PHF20: variants seen among roughly 807,000 people sequenced by gnomAD.
PHF20 encodes glioma-expressed antigen 2.
PHF20 carries 23 observed loss-of-function variants against 113.5 expected under a neutral mutation model. The observed-to-expected ratio is 0.20, with a 90% CI of 0.15 to 0.29. PHF20 has a LOEUF of 0.29. PHF20 is among the 10% of genes least tolerant of loss of function. The pLI is 1.00. For missense variants in PHF20, 943 were observed against 1,219.6 expected, an observed-to-expected ratio of 0.77 and a Z score of 3.38; for synonymous variants, 434 against 457.3, an observed-to-expected ratio of 0.95 and a Z score of 0.65.
At chr20:35,846,182 A>AT (rs568517729) in intron 3 of PHF20, among the ~76,000 whole-genome samples, 2,216 of 143,052 alleles carry the variant, frequency 0.015, 26 homozygotes, top group South Asian at 0.028. Context: ...CATTCTACAA[A>AT]TTTTTTTTTT....
chr20:35,850,296 GTTTTTTTTTTTT>G lies in PHF20; in HGVS notation c.340+2880_340+2891del, dbSNP rs554100863. ...CTGGGGCTGCTTAGCTTCCCCCTCC[GTTTTTTTTTTTT>G]TTTTTTTTTTTTTTTTTGGTGACAG... On this transcript the variant is annotated intron_variant, in intron 4 of 17. Coordinates refer to ENST00000374012, the MANE Select transcript of PHF20 (RefSeq NM_016436.5). 2.4e-3 allele frequency among the ~76,000 whole-genome samples: 149 copies of G among 62,354 alleles called. 3 individuals carry two copies. Among genetic ancestry groups the G allele is most frequent in the Admixed American group, 3.6e-3 (18 of 5,020 alleles). 40.9% of individuals were successfully genotyped at this position (62,354 alleles called of 152,430 possible).
chr20:35,913,928 C>T (rs2055353544), intron 11 of PHF20, 105 bp from the exon 12 acceptor site: 7 of 1,137,822 alleles, frequency 6.2e-6, no homozygotes, highest in Non-Finnish European at 7.7e-6. Context: ...GTCCCTGAGC[C>T]TTTGTGCTGC....
intron 2 of PHF20, among the ~76,000 whole-genome samples, chr20:35,805,256 T>C (rs2041859879): frequency 6.6e-6 from 1 of 151,810 alleles, no homozygotes; most frequent in African/African-American, 2.4e-5. Flanking sequence ...TGGAGTGCAG[T>C]GGTGGGAACA....
At chr20:35,898,523 C>A (rs2147055482) in intron 9 of PHF20, among the ~76,000 whole-genome samples, 1 of 152,286 alleles carries the variant, frequency 6.6e-6, no homozygotes, top group Non-Finnish European at 1.5e-5. Flanking sequence ...GCAACTTCTG[C>A]CTTCGGGTTC....
At chr20:35,877,457 ATTTTTT>A (rs1249281253) in intron 9 of PHF20, among the ~76,000 whole-genome samples, 1 of 147,024 alleles carries the variant, frequency 6.8e-6, no homozygotes, top group African/African-American at 2.5e-5. Context: ...TTTTATTTTT[ATTTTTT>A]ATTTTTGAGA....
chr20:35,863,941 A>G (rs2054266128), intron 6 of PHF20, among the ~76,000 whole-genome samples: 2 of 152,220 alleles, frequency 1.3e-5, no homozygotes, highest in Non-Finnish European at 2.9e-5. Flanking sequence ...CTAATTGGTA[A>G]GAGTCAAGGT....
intron 2 of PHF20, among the ~76,000 whole-genome samples, chr20:35,816,570 C>G (rs2042078346): frequency 6.6e-6 from 1 of 151,788 alleles, no homozygotes; most frequent in East Asian, 1.9e-4. Flanking sequence ...CAGCCTCAGC[C>G]TCCCATGTAG....
chr20:35,937,756 G>GT (rs2055893311), intron 15 of PHF20, among the ~76,000 whole-genome samples: 1 of 152,180 alleles, frequency 6.6e-6, no homozygotes, highest in African/African-American at 2.4e-5. Context: ...ATATTTTGGG[G>GT]TAAAATACTT....
At chr20:35,859,812 T>A (rs993247274) in intron 5 of PHF20, among the ~76,000 whole-genome samples, 1 of 152,228 alleles carries the variant, frequency 6.6e-6, no homozygotes, top group African/African-American at 2.4e-5. Context: ...CCCAAAATGC[T>A]AGGATTACAG....
At chr20:35,929,160 A>T (rs1163824153) in intron 14 of PHF20, among the ~76,000 whole-genome samples, 1 of 152,212 alleles carries the variant, frequency 6.6e-6, no homozygotes, top group Non-Finnish European at 1.5e-5. Context: ...AGTTTTGCTT[A>T]TGAGGAAGAA....
intron 10 of PHF20, among the ~76,000 whole-genome samples, chr20:35,900,816 G>A (rs913652243): frequency 6.6e-6 from 1 of 152,120 alleles, no homozygotes; most frequent in African/African-American, 2.4e-5. Flanking sequence ...CAGCCTGGGC[G>A]ACTGAGTGAG....
At chr20:35,862,059 CAATAGAGGACCCTCG>C (rs2054227784) in intron 5 of PHF20, among the ~76,000 whole-genome samples, 2 of 152,120 alleles carry the variant, frequency 1.3e-5, no homozygotes, top group South Asian at 4.1e-4. Context: ...GAAACAGTCA[CAATAGAGGACCCTCG>C]ATTTTTAGTG....
intron 16 of PHF20, among the ~76,000 whole-genome samples, chr20:35,939,413 A>C (rs1479084705): frequency 6.6e-6 from 1 of 152,144 alleles, no homozygotes; most frequent in Non-Finnish European, 1.5e-5. Flanking sequence ...AGCAAAACTC[A>C]TCTTTTCTTT....
intron 2 of PHF20, among the ~76,000 whole-genome samples, chr20:35,831,655 C>T (rs568173461): frequency 1.3e-5 from 2 of 152,198 alleles, no homozygotes; most frequent in South Asian, 4.1e-4. Flanking sequence ...TCTTCCTATG[C>T]TGCCCAGGCT....
chr20:35,906,599 G>C (rs1181492015), intron 10 of PHF20, among the ~76,000 whole-genome samples: 1 of 152,146 alleles, frequency 6.6e-6, no homozygotes, highest in East Asian at 1.9e-4. Flanking sequence ...CCCAGGTGCT[G>C]CTCTTCTTTG....
At chr20:35,924,978 C>T (rs1221652953) in intron 13 of PHF20, among the ~76,000 whole-genome samples, 1 of 152,114 alleles carries the variant, frequency 6.6e-6, no homozygotes, top group Non-Finnish European at 1.5e-5. Context: ...AACTATGGCT[C>T]CCCATTGTAC....
chr20:35,870,350 G>A (rs901544882), intron 7 of PHF20, among the ~76,000 whole-genome samples: 2 of 149,646 alleles, frequency 1.3e-5, no homozygotes, highest in East Asian at 3.9e-4. Context: ...GTGTGGTGGC[G>A]GGTGCCTGTA....
At chr20:35,803,275 G>A (rs1022099991) in intron 2 of PHF20, among the ~76,000 whole-genome samples, 2 of 149,542 alleles carry the variant, frequency 1.3e-5, no homozygotes, top group South Asian at 2.1e-4. Context: ...AAAGAAAAAA[G>A]AAAAAATAAT....
intron 2 of PHF20, among the ~76,000 whole-genome samples, chr20:35,809,510 C>G (rs1341585530): frequency 6.8e-6 from 1 of 147,468 alleles, no homozygotes; most frequent in African/African-American, 2.5e-5. Flanking sequence ...ACCTGGGAGG[C>G]AGAGGTTGCA....
Sources: gnomAD v4.1 joint callset for allele counts (sites outside exome capture counted in the v4.1 genomes callset) on GRCh38, gnomAD v4.1.1 for gene constraint, MANE v1.5 for transcripts, NCBI Gene and HGNC (gene_info 2026-07-23, HGNC 2026-07-21) for gene names.